RUBCN: variants seen among roughly 807,000 people sequenced by gnomAD.
The protein encoded by RUBCN is rubicon autophagy regulator.
Under a neutral mutation model 113.2 loss-of-function variants are expected in RUBCN, and 74 were observed. The ratio of observed to expected loss-of-function variants is 0.65; its 90% CI spans 0.54 to 0.79. The LOEUF (loss-of-function observed/expected upper bound fraction) is 0.79, where lower values mean the gene tolerates loss of function less well. Ranked by LOEUF, RUBCN falls within the 30% of genes least tolerant of loss-of-function variation. RUBCN has a pLI of 0.00. For missense variants in RUBCN, 1,109 were observed against 1,251.7 expected, an observed-to-expected ratio of 0.89 and a Z score of 1.72; for synonymous variants, 480 against 490.0, an observed-to-expected ratio of 0.98 and a Z score of 0.27.
chr3:197,703,431 AATG>A, intron 5 of RUBCN, 114 bp downstream of exon 5: 3 of 473,950 alleles, frequency 6.3e-6, no homozygotes, highest in Admixed American at 3.5e-5. Flanking sequence ...AAAAAAAAAA[AATG>A]CAAGCCTTTC....
chr3:197,715,748 C>G (rs1338221877), intron 2 of RUBCN, among the ~76,000 whole-genome samples: 1 of 152,196 alleles, frequency 6.6e-6, no homozygotes, highest in Non-Finnish European at 1.5e-5. Context: ...CTACTCGTGT[C>G]GTAGCTAACA....
chr3:197,739,120 T>C (rs1728393007), upstream of RUBCN, among the ~76,000 whole-genome samples: 3 of 151,690 alleles, frequency 2.0e-5, no homozygotes, highest in South Asian at 4.2e-4. Context: ...TTGTATTTTT[T>C]AGTAGGGACA....
At chr3:197,712,793 T>C (rs1040467000) in intron 2 of RUBCN, among the ~76,000 whole-genome samples, 2 of 151,988 alleles carry the variant, frequency 1.3e-5, no homozygotes, top group Non-Finnish European at 2.9e-5. Flanking sequence ...ACTACTGCTA[T>C]TTTGCAGATG....
intron 8 of RUBCN, among the ~76,000 whole-genome samples, 176 bp downstream of exon 8, chr3:197,696,778 T>C (rs1394753085): frequency 6.9e-6 from 1 of 144,274 alleles, no homozygotes; most frequent in Admixed American, 6.8e-5. Flanking sequence ...GCAAGAGAAA[T>C]GGCAGAGCAG....
At chr3:197,693,893 G>A in intron 10 of RUBCN, 77 bp from the exon 11 acceptor site, 1 of 956,288 alleles carries the variant, frequency 1.0e-6, no homozygotes, top group Non-Finnish European at 1.7e-6. Flanking sequence ...ACAATATAAG[G>A]GATCTGATAT....
In RUBCN at chr3:197,676,973, T is replaced by C. The variant is rs61742251; in HGVS notation, c.2558A>G (p.Asn853Ser). 16,035 of 1,614,164 alleles carry C rather than the reference T, an allele frequency of 9.9e-3. 271 individuals carry two copies. The highest frequency in any genetic ancestry group is 0.056 in the East Asian group (2,528 of 44,884). Residue 853 changes from asparagine (N) to serine (S), a missense_variant, in exon 18 of 20, where the codon AAT becomes AGT. Transcript: ENST00000296343. The part of the protein sequence containing the change: ...LTEDLHLYSL[N>S]DLTATRKGEL... ...CCCCTTCCTGGTCGCAGTCAGGTCA[T>C]TCAGTGAGTACAGGTGGAGGTCCTC...
At chr3:197,734,256 CAAAA>C (rs1263970915) in intron 1 of RUBCN, among the ~76,000 whole-genome samples, 3 of 95,692 alleles carry the variant, frequency 3.1e-5, no homozygotes, top group Admixed American at 1.2e-4. Flanking sequence ...GACTCTATCT[CAAAA>C]AAAAAAAAAA....
chr3:197,684,329 C>A, intron 11 of RUBCN, 112 bp from the exon 12 acceptor site: 1 of 820,964 alleles, frequency 1.2e-6, no homozygotes, highest in Admixed American at 1.7e-5. Flanking sequence ...AGCCAGGTGC[C>A]ACACTCTATG....
chr3:197,710,024 G>A (rs1580299075), intron 2 of RUBCN, among the ~76,000 whole-genome samples: 1 of 152,002 alleles, frequency 6.6e-6, no homozygotes, highest in East Asian at 2.0e-4. Context: ...ACAAAAATTA[G>A]CCAGGCGTGG....
rs1285679817 is a variant in RUBCN, at chr3:197,700,997, CA to C, written c.876del (p.Asn292LysfsTer3). 6.2e-7 allele frequency: 1 copy of C among 1,614,168 alleles called. No homozygotes were observed. The highest frequency in any genetic ancestry group is 1.3e-5 in the African/African-American group (1 of 75,020). On this transcript the variant is annotated frameshift_variant, in exon 7 of 20. Transcript: ENST00000296343. LOFTEE classifies it high-confidence loss of function. The stretch of plus-strand genomic sequence containing the variant: ...CTGGTCAGAGTACTGGAGCTCATTT[CA>C]TTTGGGGTCAAAGGGGAATCCCTGG... ...ALARDSPLTP[N>X]EMSSSTLTSP... is the part of the protein sequence containing the mutation.
At chr3:197,693,136 C>T (rs1722609755) in intron 11 of RUBCN, among the ~76,000 whole-genome samples, 1 of 152,148 alleles carries the variant, frequency 6.6e-6, no homozygotes, top group Admixed American at 6.5e-5. Flanking sequence ...TTTAACATAA[C>T]TGCCTTCCCA....
At chr3:197,691,413 G>A (rs918102427) in intron 11 of RUBCN, among the ~76,000 whole-genome samples, 1 of 151,950 alleles carries the variant, frequency 6.6e-6, no homozygotes, top group Non-Finnish European at 1.5e-5. Flanking sequence ...AGGCATTTCT[G>A]ATTGTCTTGA....
At chr3:197,747,459 G>A (rs1054882448) in intron 1 of RUBCN, among the ~76,000 whole-genome samples, 12 of 151,612 alleles carry the variant, frequency 7.9e-5, no homozygotes, top group African/African-American at 2.7e-4. Flanking sequence ...GGGCTCAAGT[G>A]ATCCACCTGC....
intron 1 of RUBCN, among the ~76,000 whole-genome samples, chr3:197,746,140 C>T (rs1728735626): frequency 6.6e-6 from 1 of 152,168 alleles, no homozygotes; most frequent in Non-Finnish European, 1.5e-5. Flanking sequence ...CAAATGTCAA[C>T]CTTCAATAAT....
chr3:197,736,784 C>T lies in RUBCN; in HGVS notation c.-65G>A. On this transcript the variant is annotated 5_prime_UTR_variant, in exon 1 of 20. Transcript: ENST00000296343. ...CCCTGCCGCTTCGCCCTTCAGGGCT[C>T]CCGGGGCCCCCTGGGGCCGGAGGAG... 1 of 1,502,060 alleles carries T rather than the reference C, an allele frequency of 6.7e-7. No individual in the cohort carries two copies. Among genetic ancestry groups the T allele is most frequent in the Non-Finnish European group, 8.8e-7 (1 of 1,132,516 alleles). The allele number at this position is 1,502,060 out of a possible 1,614,324, so 93.0% of individuals were successfully genotyped here.
chr3:197,745,141 C>T (rs1728683257), intron 1 of RUBCN, among the ~76,000 whole-genome samples: 1 of 151,800 alleles, frequency 6.6e-6, no homozygotes, highest in African/African-American at 2.4e-5. Flanking sequence ...AAAATTTAGC[C>T]AGGCGTGGTG....
chr3:197,690,647 A>C (rs1158640158), intron 11 of RUBCN, among the ~76,000 whole-genome samples: 1 of 152,228 alleles, frequency 6.6e-6, no homozygotes, highest in Non-Finnish European at 1.5e-5. Context: ...TGGCTCTGCA[A>C]ATTCAAAGTT....
At chr3:197,746,927 C>CT (rs879701874) in intron 1 of RUBCN, among the ~76,000 whole-genome samples, 91 of 145,446 alleles carry the variant, frequency 6.3e-4, no homozygotes, top group African/African-American at 7.5e-4. Flanking sequence ...GTCTTGCTCA[C>CT]TTTTTTTTTT....
intron 1 of RUBCN, among the ~76,000 whole-genome samples, chr3:197,745,812 G>A (rs6583252): frequency 0.81 from 123,948 of 152,112 alleles, 51,814 homozygotes; most frequent in East Asian, 0.99. Flanking sequence ...TGAGTCGGGT[G>A]GATCACCTGA....
Sources: allele counts gnomAD v4.1 joint callset (sites outside exome capture counted in the v4.1 genomes callset), GRCh38; gene constraint gnomAD v4.1.1; transcripts MANE v1.5; gene names NCBI Gene and HGNC (gene_info 2026-07-23, HGNC 2026-07-21).